Variants in SH3PXD2A observed in about 807,000 individuals in gnomAD.
The protein encoded by SH3PXD2A is SH3 and PX domain-containing protein 2A.
Under a neutral mutation model 115.2 loss-of-function variants are expected in SH3PXD2A, and 32 were observed. The ratio of observed to expected loss-of-function variants is 0.28; its 90% CI spans 0.21 to 0.37. SH3PXD2A has a LOEUF of 0.37. Ranked by LOEUF, SH3PXD2A falls within the 10% of genes least tolerant of loss-of-function variation. The pLI, the probability that SH3PXD2A is intolerant of heterozygous loss-of-function variation, is 1.00. For missense variants in SH3PXD2A, 1,328 were observed against 1,498.7 expected (o/e 0.89, Z 1.88); for synonymous variants, 610 against 629.1 (o/e 0.97, Z 0.45).
chr10:103,612,731 A>C, intron 12 of SH3PXD2A, 122 bp downstream of exon 12: 1 of 626,640 alleles, frequency 1.6e-6, no homozygotes, highest in South Asian at 2.3e-5. Context: ...GTCAAAGGCC[A>C]GTCTGTAGCC....
intron 1 of SH3PXD2A, among the ~76,000 whole-genome samples, chr10:103,810,903 CATG>C (rs1189729253): frequency 9.3e-5 from 11 of 118,096 alleles, no homozygotes; most frequent in African/African-American, 3.9e-4. Flanking sequence ...CACACAGAAA[CATG>C]GACACACACA....
chr10:103,613,189 A>C lies in SH3PXD2A; in HGVS notation c.922T>G (p.Tyr308Asp). The C allele has an allele frequency of 6.3e-7, 1 of 1,590,836 alleles. No homozygotes were observed. Among genetic ancestry groups the C allele is most frequent in the Non-Finnish European group, 8.5e-7 (1 of 1,170,218 alleles). ...GGCGCCCAGCCCTCTTTGCCCAGGT[A>C]TCTGTGGGGAGGAGCAGGATGTGCT... Reference protein sequence around the residue: ...KNLEGWWYIRYLGKEGWAPAS... With the variant: ...KNLEGWWYIRDLGKEGWAPAS... The change falls in exon 12 of 15, where the codon TAC (tyrosine) becomes GAC (aspartate). Residue 308 changes from tyrosine (Y) to aspartate (D), a missense_variant and splice_region_variant. Transcript: ENST00000369774.
chr10:103,601,963 C>A lies in SH3PXD2A; in HGVS notation c.3255G>T (p.Gly1085=). ...CCTGGAAGCCTGCTGTCTCCTCATC[C>A]CCCTCGTAGTCTGCGATAGAGACGT... ...DVYVSIADYE[G]DEETAGFQEG... The change falls in exon 15 of 15, where the codon GGG becomes GGT. Residue 1085 remains glycine (G), a synonymous_variant. Coordinates refer to ENST00000369774, the MANE Select transcript of SH3PXD2A (RefSeq NM_001394015.1). 1.2e-6 allele frequency: 2 copies of A among 1,614,106 alleles called. No homozygotes were observed. Among genetic ancestry groups the A allele is most frequent in the South Asian group, 2.2e-5 (2 of 91,070 alleles).
In SH3PXD2A at chr10:103,603,802, T is replaced by C. The variant is rs746259598; in HGVS notation, c.1429-13A>G. The stretch of plus-strand genomic sequence containing the variant: ...TCTTATCAATGACCTGGGGTACGAG[T>C]GCAGACAAGCCAGTGAGTTGGGAGG... On this transcript the variant is annotated splice_polypyrimidine_tract_variant and intron_variant, in intron 14 of 14. Coordinates refer to ENST00000369774, the MANE Select transcript of SH3PXD2A (RefSeq NM_001394015.1). 1 of 1,569,984 alleles carries C rather than the reference T, an allele frequency of 6.4e-7. No individual in the cohort carries two copies. The highest frequency in any genetic ancestry group is 2.3e-5 in the East Asian group (1 of 43,268).
intron 1 of SH3PXD2A, among the ~76,000 whole-genome samples, chr10:103,820,107 G>A (rs1414963788): frequency 6.6e-6 from 1 of 152,184 alleles, no homozygotes; most frequent in East Asian, 1.9e-4. Flanking sequence ...GAAACTAAGT[G>A]CCAGAAGTCA....
At chr10:103,603,910 C>G in intron 14 of SH3PXD2A, 121 bp from the exon 15 acceptor site, 1 of 1,165,374 alleles carries the variant, frequency 8.6e-7, no homozygotes, top group Non-Finnish European at 1.2e-6. Flanking sequence ...AGATAATAAA[C>G]CGAGCCACTG....
rs1236689895 is a variant in SH3PXD2A, at chr10:103,620,798, C to T, written c.802+1672G>A. 5.9e-5 allele frequency among the ~76,000 whole-genome samples: 9 copies of T among 152,108 alleles called. No individual in the cohort carries two copies. The highest frequency in any genetic ancestry group is 1.9e-4 in the African/African-American group (8 of 41,408). Reference sequence around the variant, plus strand: ...TGACCAAGAATTAGGCATTTCATTGCGTATTTGTGTCTCCACATATCACTG... The same window carrying T: ...TGACCAAGAATTAGGCATTTCATTGTGTATTTGTGTCTCCACATATCACTG... On this transcript the variant is annotated intron_variant, in intron 10 of 14. Coordinates refer to ENST00000369774, the MANE Select transcript of SH3PXD2A (RefSeq NM_001394015.1). The surrounding 1 kb of genome is among the most constrained non-coding windows in gnomAD (Gnocchi z 5.3).
intron 1 of SH3PXD2A, among the ~76,000 whole-genome samples, chr10:103,854,151 T>C (rs1431140248): frequency 2.0e-5 from 3 of 152,176 alleles, no homozygotes; most frequent in East Asian, 3.8e-4. Flanking sequence ...CCCAGTCCCT[T>C]TGCAACAGTG....
intron 5 of SH3PXD2A, among the ~76,000 whole-genome samples, chr10:103,704,107 C>T (rs779287006): frequency 6.6e-6 from 1 of 152,224 alleles, no homozygotes; most frequent in Non-Finnish European, 1.5e-5. Flanking sequence ...CTGCCAGTCA[C>T]AGGGCCCTGC....
At chr10:103,825,762 A>AT (rs370142036) in intron 1 of SH3PXD2A, among the ~76,000 whole-genome samples, 46,120 of 132,268 alleles carry the variant, frequency 0.35, 8,919 homozygotes, top group East Asian at 0.6. Context: ...TCCGTAACAA[A>AT]TTTTTTTTTT....
At chr10:103,613,892 A>G (rs533272455) in intron 11 of SH3PXD2A, among the ~76,000 whole-genome samples, 1 of 152,286 alleles carries the variant, frequency 6.6e-6, no homozygotes, top group Admixed American at 6.5e-5. Flanking sequence ...TGGATCCTCT[A>G]TAGACTGTCA....
chr10:103,607,252 C>T (rs991021152), intron 13 of SH3PXD2A, among the ~76,000 whole-genome samples: 29 of 149,986 alleles, frequency 1.9e-4, no homozygotes, highest in African/African-American at 5.7e-4. Flanking sequence ...GGAGACTCTC[C>T]GCCTGGCAAC....
intron 6 of SH3PXD2A, among the ~76,000 whole-genome samples, chr10:103,688,861 C>T (rs2037712563): frequency 6.6e-6 from 1 of 151,994 alleles, no homozygotes; most frequent in African/African-American, 2.4e-5. Context: ...CTCCCTCCCT[C>T]CTTCCTTCCT....
intron 6 of SH3PXD2A, among the ~76,000 whole-genome samples, chr10:103,682,340 G>A (rs568502927): frequency 1.2e-4 from 18 of 152,248 alleles, no homozygotes; most frequent in South Asian, 4.1e-4. Context: ...TCACCGCCAC[G>A]TGGGCTGGCC....
rs1331622684 is a variant in SH3PXD2A at position 103,756,664 on chromosome 10, G to C, written c.229+10430C>G. 6.6e-6 allele frequency among the ~76,000 whole-genome samples: 1 copy of C among 152,154 alleles called. No homozygotes were observed. The highest frequency in any genetic ancestry group is 2.4e-5 in the African/African-American group (1 of 41,450). On this transcript the variant is annotated intron_variant, in intron 3 of 14. Coordinates refer to ENST00000369774, the MANE Select transcript of SH3PXD2A (RefSeq NM_001394015.1). The surrounding 1 kb of genome is among the most constrained non-coding windows in gnomAD (Gnocchi z 4.4). ...CCACAGGCAGGAGTGGGGAGTGGTG[G>C]TGAGGTGAAACACTCCTTCTGCCAT...
intron 8 of SH3PXD2A, among the ~76,000 whole-genome samples, chr10:103,659,019 C>T (rs145703512): frequency 5.3e-5 from 8 of 152,292 alleles, no homozygotes; most frequent in Non-Finnish European, 8.8e-5. Flanking sequence ...CACGGGTGGC[C>T]GTGGGGAGCT....
At chr10:103,801,407 G>T in intron 1 of SH3PXD2A, 45 bp from the exon 2 acceptor site, 1 of 1,218,856 alleles carries the variant, frequency 8.2e-7, no homozygotes, top group Non-Finnish European at 1.2e-6. Flanking sequence ...TGGATTTCAA[G>T]CTGTCTGTGC....
At chr10:103,840,316 C>T (rs2039585052) in intron 1 of SH3PXD2A, among the ~76,000 whole-genome samples, 1 of 152,202 alleles carries the variant, frequency 6.6e-6, no homozygotes, top group Admixed American at 6.5e-5. Context: ...AACACATCGC[C>T]ACCCCGGCCC....
chr10:103,696,459 T>TG (rs2037825046), intron 5 of SH3PXD2A, among the ~76,000 whole-genome samples: 1 of 152,132 alleles, frequency 6.6e-6, no homozygotes, highest in South Asian at 2.1e-4. Context: ...CAGGGCCCTC[T>TG]GCTGGGGCTC....
Sources: gnomAD v4.1 joint callset for allele counts (sites outside exome capture counted in the v4.1 genomes callset) on GRCh38, gnomAD v4.1.1 for gene constraint, Gnocchi (gnomAD v3.1) non-coding constraint, MANE v1.5 for transcripts, NCBI Gene and HGNC (gene_info 2026-07-23, HGNC 2026-07-21) for gene names.